The following ABLIM2 variants were observed in gnomAD, a reference collection of about 807,000 sequenced individuals.
ABLIM2 encodes the protein actin binding LIM protein family member 2, also known as actin-binding LIM protein 2.
In ABLIM2, 53 loss-of-function variants were observed where a neutral mutation model predicts 97.7. The observed-to-expected ratio is 0.54, with a 90% CI of 0.44 to 0.68. ABLIM2 has a LOEUF of 0.68. Among genes scored for constraint, ABLIM2 ranks in the 30% least tolerant of loss-of-function variants. The pLI is 0.00. For missense variants in ABLIM2, 835 were observed against 867.2 expected, an observed-to-expected ratio of 0.96 and a Z score of 0.47; for synonymous variants, 361 against 345.8, an observed-to-expected ratio of 1.04 and a Z score of -0.49.
Position 8,097,284 on chromosome 4 carries a change from T to C in ABLIM2, c.155-2A>G, listed in dbSNP as rs1561386420. ...CCTCGGCCAGGTCGCAGCCACATGC[T>C]GGGGGAGGACGGGCGAGGTGGCGTT... is the stretch of plus-strand genomic sequence containing the variant. On this transcript the variant is annotated splice_acceptor_variant, in intron 2 of 20. Transcript: ENST00000447017. LOFTEE classifies it high-confidence loss of function. 1 of 1,558,432 alleles carries C rather than the reference T, an allele frequency of 6.4e-7. No homozygotes were observed. Among genetic ancestry groups the C allele is most frequent in the Admixed American group, 1.9e-5 (1 of 51,622 alleles).
rs1157395870 is a variant in ABLIM2 at position 7,999,603 on chromosome 4, A to C, written c.1619-6676T>G. 6.6e-6 allele frequency among the ~76,000 whole-genome samples: 1 copy of C among 152,204 alleles called. No homozygotes were observed. The highest frequency in any genetic ancestry group is 1.5e-5 in the Non-Finnish European group (1 of 68,026). On this transcript the variant is annotated intron_variant, in intron 16 of 20. Transcript: ENST00000447017. The surrounding 1 kb of genome is among the most constrained non-coding windows in gnomAD (Gnocchi z 4.4). ...TGTGCCCTGGTGTGGGTTTGCAGGCATGTGGGGTCTAATGCATGTCAGATG... is the reference window on the plus strand; with the variant it reads ...TGTGCCCTGGTGTGGGTTTGCAGGCCTGTGGGGTCTAATGCATGTCAGATG...
Position 8,075,297 on chromosome 4 carries a change from G to A in ABLIM2, c.675+2331C>T, listed in dbSNP as rs2152386244. On this transcript the variant is annotated intron_variant, in intron 6 of 20. Transcript: ENST00000447017. This position sits in a 1 kb window ranked among gnomAD's most constrained non-coding sequence, Gnocchi z 4.4. ...GGTTGCCGAGGGCTTGCGGGTACGG[G>A]GAGTGACAGCTAAAAGGTATGGGGT... Among the ~76,000 whole-genome samples the A allele has an allele frequency of 6.6e-6, 1 of 152,256 alleles. No individual in the cohort carries two copies. The highest frequency in any genetic ancestry group is 1.9e-4 in the East Asian group (1 of 5,186).
chr4:8,015,786 G>A lies in ABLIM2; in HGVS notation c.1423+3832C>T, dbSNP rs1455431398. ...AACAGCAAATCTGGTGAACTATGAG[G>A]ACTGTCCCTGCATCTGGAGAGTCGA... On this transcript the variant is annotated intron_variant, in intron 14 of 20. Coordinates refer to ENST00000447017, the MANE Select transcript of ABLIM2 (RefSeq NM_001130083.2). This position sits in a 1 kb window ranked among gnomAD's most constrained non-coding sequence, Gnocchi z 4.6. Among the ~76,000 whole-genome samples the A allele has an allele frequency of 2.0e-5, 3 of 152,118 alleles. No individual in the cohort carries two copies. Among genetic ancestry groups the A allele is most frequent in the South Asian group, 4.1e-4 (2 of 4,830 alleles).
chr4:7,999,337 C>T lies in ABLIM2; in HGVS notation c.1619-6410G>A, dbSNP rs1330931593. Among the ~76,000 whole-genome samples, 1 of 152,210 alleles carries T rather than the reference C, an allele frequency of 6.6e-6. No individual in the cohort carries two copies. Among genetic ancestry groups the T allele is most frequent in the African/African-American group, 2.4e-5 (1 of 41,462 alleles). On this transcript the variant is annotated intron_variant, in intron 16 of 20. Transcript: ENST00000447017. The surrounding 1 kb of genome is among the most constrained non-coding windows in gnomAD (Gnocchi z 4.4). ...CCTCCAAAAATGCTGAGATTACAGG[C>T]GTGAGCCACTGCGCCCGGCCAAGAA... is the stretch of plus-strand genomic sequence containing the variant.
intron 20 of ABLIM2, among the ~76,000 whole-genome samples, chr4:7,977,181 C>T (rs540257015): frequency 6.6e-4 from 101 of 152,324 alleles, no homozygotes; most frequent in Non-Finnish European, 1.2e-3. Flanking sequence ...CCTTCACACT[C>T]TCTTTCTCTC....
rs1217142952 is a variant in ABLIM2 at position 7,996,556 on chromosome 4, T to C, written c.1619-3629A>G. ...GTTTCCCCTGAGCACCCGTATCAGA[T>C]GGTGCTAGAAATTCTGCTTCAACCA... On this transcript the variant is annotated intron_variant, in intron 16 of 20. Coordinates refer to ENST00000447017, the MANE Select transcript of ABLIM2 (RefSeq NM_001130083.2). This position sits in a 1 kb window ranked among gnomAD's most constrained non-coding sequence, Gnocchi z 4.5. Among the ~76,000 whole-genome samples the C allele has an allele frequency of 1.3e-5, 2 of 152,232 alleles. No homozygotes were observed. Among genetic ancestry groups the C allele is most frequent in the Non-Finnish European group, 2.9e-5 (2 of 68,046 alleles).
chr4:8,153,079 T>C (rs1464962002), intron 1 of ABLIM2, among the ~76,000 whole-genome samples: 1 of 152,170 alleles, frequency 6.6e-6, no homozygotes, highest in Admixed American at 6.5e-5. Flanking sequence ...GCCAGCAGCC[T>C]GATCTGGCTT....
rs1045146006 is a variant in ABLIM2 at position 8,122,684 on chromosome 4, A to G, written c.11-16047T>C. 6.6e-6 allele frequency among the ~76,000 whole-genome samples: 1 copy of G among 152,116 alleles called. No homozygotes were observed. The highest frequency in any genetic ancestry group is 1.5e-5 in the Non-Finnish European group (1 of 68,018). ...ACATGAACATTCACTTCTTAACACCATCCACTGTCAGACCCTACATGGTAC... is the reference window on the plus strand; with the variant it reads ...ACATGAACATTCACTTCTTAACACCGTCCACTGTCAGACCCTACATGGTAC... On this transcript the variant is annotated intron_variant, in intron 1 of 20. Transcript: ENST00000447017. The surrounding 1 kb of genome is among the most constrained non-coding windows in gnomAD (Gnocchi z 4.1).
chr4:8,120,924 T>A lies in ABLIM2; in HGVS notation c.11-14287A>T, dbSNP rs1007920356. Among the ~76,000 whole-genome samples, 4 of 152,238 alleles carry A rather than the reference T, an allele frequency of 2.6e-5. No individual in the cohort carries two copies. The highest frequency in any genetic ancestry group is 9.6e-5 in the African/African-American group (4 of 41,462). On this transcript the variant is annotated intron_variant, in intron 1 of 20. Coordinates refer to ENST00000447017, the MANE Select transcript of ABLIM2 (RefSeq NM_001130083.2). The surrounding 1 kb of genome is among the most constrained non-coding windows in gnomAD (Gnocchi z 5.6). ...CACGTAAGAGTACTGTACCGCAGAT[T>A]GCTAGCTCAGAGAAAGATCGAAATT...
rs1188523427 is a variant in ABLIM2, at chr4:7,996,845, A to T, written c.1619-3918T>A. 2.0e-5 allele frequency among the ~76,000 whole-genome samples: 3 copies of T among 152,172 alleles called. No individual in the cohort carries two copies. The highest frequency in any genetic ancestry group is 4.4e-5 in the Non-Finnish European group (3 of 68,028). ...CTGCTGGCCTCTGTGGCTTCTGATG[A>T]GAAATCTGCTATCGCTTGAATTGGT... On this transcript the variant is annotated intron_variant, in intron 16 of 20. Transcript: ENST00000447017. This position sits in a 1 kb window ranked among gnomAD's most constrained non-coding sequence, Gnocchi z 4.5.
chr4:7,982,684 G>A (rs922930896), intron 20 of ABLIM2, among the ~76,000 whole-genome samples: 1 of 150,924 alleles, frequency 6.6e-6, no homozygotes, highest in Non-Finnish European at 1.5e-5. Context: ...GAGAGAACAG[G>A]CACCTCCTGC....
At chr4:8,151,009 G>C (rs1712509504) in intron 1 of ABLIM2, among the ~76,000 whole-genome samples, 1 of 152,180 alleles carries the variant, frequency 6.6e-6, no homozygotes, top group Non-Finnish European at 1.5e-5. Flanking sequence ...CCAGGCCCTT[G>C]ACTCTCACTC....
chr4:7,983,948 C>T lies in ABLIM2; in HGVS notation c.1736-394G>A, dbSNP rs1741177167. ...GGGTGTTGTGGAGACTGACATCTTG[C>T]TATGTTCTGAGCCTCTCCCATCTCT... On this transcript the variant is annotated intron_variant, in intron 18 of 20. Transcript: ENST00000447017. Among the ~76,000 whole-genome samples the T allele has an allele frequency of 2.6e-5, 4 of 152,372 alleles. No homozygotes were observed. In the South Asian group the frequency reaches 8.3e-4, roughly 32 times the overall value.
intron 11 of ABLIM2, among the ~76,000 whole-genome samples, chr4:8,028,774 C>G (rs563857627): frequency 6.6e-6 from 1 of 152,374 alleles, no homozygotes; most frequent in South Asian, 2.1e-4. Context: ...CACTCATGCA[C>G]TCACTCCTTT....
Position 8,071,696 on chromosome 4 carries a change from C to A in ABLIM2, c.675+5932G>T. On this transcript the variant is annotated intron_variant, in intron 6 of 20. Coordinates refer to ENST00000447017, the MANE Select transcript of ABLIM2 (RefSeq NM_001130083.2). The surrounding 1 kb of genome is among the most constrained non-coding windows in gnomAD (Gnocchi z 6.2). Reference sequence around the variant, plus strand: ...CCTGACTGCTCTGTCCCCAAAAACCCACCCACCCGCAGCCCCTCCTGGCCC... The same window carrying A: ...CCTGACTGCTCTGTCCCCAAAAACCAACCCACCCGCAGCCCCTCCTGGCCC... 2.5e-6 allele frequency: 2 copies of A among 784,452 alleles called. No homozygotes were observed. Among genetic ancestry groups the A allele is most frequent in the Non-Finnish European group, 3.1e-6 (2 of 646,162 alleles). The allele number at this position is 784,452 out of a possible 1,614,324, so 48.6% of individuals were successfully genotyped here.
Position 8,019,488 on chromosome 4 carries a change from A to C in ABLIM2, c.1423+130T>G, listed in dbSNP as rs940588514. On this transcript the variant is annotated intron_variant, in intron 14 of 20. Transcript: ENST00000447017. The surrounding 1 kb of genome is among the most constrained non-coding windows in gnomAD (Gnocchi z 4.3). Reference sequence around the variant, plus strand: ...GCTAGTGAATTTGCATTTAATAGTCAGACTGCTAAGGGCCTTGGTGGTGCC... The same window carrying C: ...GCTAGTGAATTTGCATTTAATAGTCCGACTGCTAAGGGCCTTGGTGGTGCC... 5.0e-6 allele frequency: 4 copies of C among 802,966 alleles called. No homozygotes were observed. Among genetic ancestry groups the C allele is most frequent in the African/African-American group, 1.8e-5 (1 of 55,784 alleles). 49.7% of individuals were successfully genotyped at this position (802,966 alleles called of 1,614,324 possible).
Position 8,005,699 on chromosome 4 carries a change from A to T in ABLIM2, c.1618+2360T>A, listed in dbSNP as rs564240150. 6.6e-6 allele frequency among the ~76,000 whole-genome samples: 1 copy of T among 152,348 alleles called. No individual in the cohort carries two copies. Among genetic ancestry groups the T allele is most frequent in the South Asian group, 2.1e-4 (1 of 4,834 alleles). ...CGCTGCCATTTCCATGCAAATCGGG[A>T]AACAAGGCAATGCCATCGGGACAGA... On this transcript the variant is annotated intron_variant, in intron 16 of 20. Transcript: ENST00000447017. The surrounding 1 kb of genome is among the most constrained non-coding windows in gnomAD (Gnocchi z 4.9).
In ABLIM2 at chr4:8,068,659, C is replaced by T. The variant is rs1809677657; in HGVS notation, c.676-7605G>A. Reference sequence around the variant, plus strand: ...ATCCGGGTGCAAAGGCCTCCTCTGCCCACTGGAGAGCTGCCACACTTCCCC... The same window carrying T: ...ATCCGGGTGCAAAGGCCTCCTCTGCTCACTGGAGAGCTGCCACACTTCCCC... On this transcript the variant is annotated intron_variant, in intron 6 of 20. Coordinates refer to ENST00000447017, the MANE Select transcript of ABLIM2 (RefSeq NM_001130083.2). The surrounding 1 kb of genome is among the most constrained non-coding windows in gnomAD (Gnocchi z 4.5). Among the ~76,000 whole-genome samples, 1 of 152,186 alleles carries T rather than the reference C, an allele frequency of 6.6e-6. No individual in the cohort carries two copies. The highest frequency in any genetic ancestry group is 1.5e-5 in the Non-Finnish European group (1 of 68,032).
intron 1 of ABLIM2, among the ~76,000 whole-genome samples, chr4:8,117,380 C>G (rs992317098): frequency 1.3e-5 from 2 of 152,144 alleles, no homozygotes; most frequent in Non-Finnish European, 2.9e-5. Context: ...ACAGACTCCA[C>G]CCACCACAGA....
Sources: allele counts gnomAD v4.1 joint callset (sites outside exome capture counted in the v4.1 genomes callset), GRCh38; gene constraint gnomAD v4.1.1; non-coding constraint Gnocchi (gnomAD v3.1); transcripts MANE v1.5; gene names NCBI Gene and HGNC (gene_info 2026-07-23, HGNC 2026-07-21).